Variants in SEZ6L observed in about 807,000 individuals in gnomAD.
SEZ6L encodes seizure 6-like protein.
Under a neutral mutation model 106.2 loss-of-function variants are expected in SEZ6L, and 37 were observed. That is an observed-to-expected ratio of 0.35 (90% confidence interval 0.27 to 0.46). The LOEUF is 0.46. Among genes scored for constraint, SEZ6L ranks in the 20% least tolerant of loss-of-function variants. SEZ6L has a pLI of 1.00. For synonymous variants in SEZ6L, 541 were observed against 570.4 expected (o/e 0.95, Z 0.73); for missense variants, 1,172 against 1,332.8 (o/e 0.88, Z 1.88).
intron 1 of SEZ6L, among the ~76,000 whole-genome samples, chr22:26,237,382 G>C (rs1345360075): frequency 3.3e-5 from 5 of 152,154 alleles, no homozygotes; most frequent in African/African-American, 1.2e-4. Flanking sequence ...CCAATAAAAT[G>C]TTTGCATGTA....
intron 12 of SEZ6L, among the ~76,000 whole-genome samples, chr22:26,358,614 C>T (rs144736903): frequency 1.3e-4 from 20 of 152,228 alleles, no homozygotes; most frequent in African/African-American, 2.6e-4. Context: ...AAAACAGAAA[C>T]GAGAGTGGGT....
chr22:26,243,568 G>A (rs2145775853), intron 1 of SEZ6L, among the ~76,000 whole-genome samples: 1 of 152,314 alleles, frequency 6.6e-6, no homozygotes, highest in Non-Finnish European at 1.5e-5. Flanking sequence ...GGTGGAGATG[G>A]AGCAGAACAA....
In SEZ6L at chr22:26,342,567, G is replaced by A. The variant is rs149745771; in HGVS notation, c.2212+1935G>A. 5.6e-3 allele frequency among the ~76,000 whole-genome samples: 852 copies of A among 152,036 alleles called. 1 individual carries two copies. Among genetic ancestry groups the A allele is most frequent in the Non-Finnish European group, 8.0e-3 (543 of 67,962 alleles). ...AAACATTAGCTGGGTGTGGTGGCAGGCACCTGTAGTCCCAGCTACTCGGGA... is the reference window on the plus strand; with the variant it reads ...AAACATTAGCTGGGTGTGGTGGCAGACACCTGTAGTCCCAGCTACTCGGGA... On this transcript the variant is annotated intron_variant, in intron 10 of 16. Coordinates refer to ENST00000248933, the MANE Select transcript of SEZ6L (RefSeq NM_021115.5).
At chr22:26,238,964 T>A (rs1198726670) in intron 1 of SEZ6L, among the ~76,000 whole-genome samples, 2 of 152,246 alleles carry the variant, frequency 1.3e-5, no homozygotes, top group Non-Finnish European at 2.9e-5. Flanking sequence ...GGCTCAACCC[T>A]GTAATCTCAA....
intron 1 of SEZ6L, among the ~76,000 whole-genome samples, chr22:26,290,619 T>A (rs2081079941): frequency 6.6e-6 from 1 of 152,172 alleles, no homozygotes; most frequent in African/African-American, 2.4e-5. Context: ...GGGACCAAGG[T>A]GGGAGGATCA....
chr22:26,375,496 G>A (rs543279495), intron 14 of SEZ6L, 79 bp from the exon 15 acceptor site: 18 of 1,127,940 alleles, frequency 1.6e-5, no homozygotes, highest in South Asian at 1.5e-4. Flanking sequence ...TCTCCAAAGG[G>A]GTGGAGAACT....
At chr22:26,330,524 C>T (rs2082447620) in intron 9 of SEZ6L, among the ~76,000 whole-genome samples, 2 of 152,158 alleles carry the variant, frequency 1.3e-5, no homozygotes, top group South Asian at 2.1e-4. Context: ...GGTAGAGAGA[C>T]TAGCATGAGC....
chr22:26,361,515 A>AT (rs2146047082), intron 12 of SEZ6L, among the ~76,000 whole-genome samples: 1 of 136,946 alleles, frequency 7.3e-6, no homozygotes, highest in Non-Finnish European at 1.5e-5. Flanking sequence ...TCAAAAAAAA[A>AT]AAAAAATATA....
chr22:26,319,345 C>T (rs1159907356), intron 9 of SEZ6L, among the ~76,000 whole-genome samples: 2 of 152,178 alleles, frequency 1.3e-5, no homozygotes, highest in East Asian at 3.9e-4. Flanking sequence ...CTCAGTGATC[C>T]TGTTACAACC....
chr22:26,267,689 G>A (rs945725948), intron 1 of SEZ6L, among the ~76,000 whole-genome samples: 10 of 152,174 alleles, frequency 6.6e-5, no homozygotes, highest in African/African-American at 2.2e-4. Context: ...AAGGCACTTC[G>A]AACTTAATTT....
intron 16 of SEZ6L, among the ~76,000 whole-genome samples, chr22:26,379,046 G>A (rs529549002): frequency 8.0e-4 from 122 of 152,270 alleles, no homozygotes; most frequent in African/African-American, 2.7e-3. Context: ...GCAGCAACTG[G>A]GCTGCAGTCT....
chr22:26,299,544 A>G (rs528813575), intron 5 of SEZ6L, among the ~76,000 whole-genome samples: 2 of 152,270 alleles, frequency 1.3e-5, no homozygotes, highest in East Asian at 1.9e-4. Flanking sequence ...TATTGTGGAT[A>G]TTTTATGTAA....
chr22:26,272,991 T>A (rs547632537), intron 1 of SEZ6L, among the ~76,000 whole-genome samples: 1 of 152,178 alleles, frequency 6.6e-6, no homozygotes, highest in Non-Finnish European at 1.5e-5. Context: ...AATGAGACAA[T>A]GCATGTAAAA....
intron 9 of SEZ6L, among the ~76,000 whole-genome samples, chr22:26,333,964 T>C (rs1322576489): frequency 6.8e-6 from 1 of 147,342 alleles, no homozygotes; most frequent in Non-Finnish European, 1.5e-5. Flanking sequence ...GCAGTCTGGT[T>C]GGAGGTAAAA....
rs114006037 is a variant in SEZ6L at position 26,215,959 on chromosome 22, A to T, written c.94+46196A>T. Among the ~76,000 whole-genome samples the T allele has an allele frequency of 1.4e-3, 214 of 152,340 alleles. 1 individual carries two copies. The highest frequency in any genetic ancestry group is 4.9e-3 in the African/African-American group (202 of 41,594). ...ATCATCCCAGCTTCTCGCTGACAGA[A>T]GCAGAGCAGAGGTCCCGGATGCTCC... is the stretch of plus-strand genomic sequence containing the variant. On this transcript the variant is annotated intron_variant, in intron 1 of 16. Transcript: ENST00000248933.
At chr22:26,217,405 C>T (rs2078329474) in intron 1 of SEZ6L, among the ~76,000 whole-genome samples, 1 of 152,224 alleles carries the variant, frequency 6.6e-6, no homozygotes, top group Admixed American at 6.5e-5. Context: ...CTTCTGCCAA[C>T]ACAGGGCTTT....
At chr22:26,242,241 A>G (rs577780963) in intron 1 of SEZ6L, among the ~76,000 whole-genome samples, 1 of 152,296 alleles carries the variant, frequency 6.6e-6, no homozygotes, top group African/African-American at 2.4e-5. Flanking sequence ...GCACTCAATA[A>G]ATGCTTCCTA....
chr22:26,230,330 A>C (rs193202112), intron 1 of SEZ6L, among the ~76,000 whole-genome samples: 3 of 151,690 alleles, frequency 2.0e-5, no homozygotes, highest in Admixed American at 1.3e-4. Flanking sequence ...AAAAAAAAAA[A>C]CAAGAAGAAG....
In SEZ6L at chr22:26,382,575, TTCTG is replaced by T. The variant is rs1161830931; in HGVS notation, c.*2284_*2287del. On this transcript the variant is annotated 3_prime_UTR_variant, in exon 17 of 17. Coordinates refer to ENST00000248933, the MANE Select transcript of SEZ6L (RefSeq NM_021115.5). Reference sequence around the variant, plus strand: ...TTTTTTCAGAAGACCAGTGTCTCAGTTCTGTCTTAGTAGTACCACACCCGTAACC... The same window carrying T: ...TTTTTTCAGAAGACCAGTGTCTCAGTTCTTAGTAGTACCACACCCGTAACC... The T allele has an allele frequency of 6.5e-6, 1 of 153,072 alleles. No individual in the cohort carries two copies. Among genetic ancestry groups the T allele is most frequent in the East Asian group, 1.9e-4 (1 of 5,200 alleles). 9.5% of individuals were successfully genotyped at this position (153,072 alleles called of 1,614,324 possible).
Sources: gnomAD v4.1 joint callset for allele counts (sites outside exome capture counted in the v4.1 genomes callset) on GRCh38, gnomAD v4.1.1 for gene constraint, MANE v1.5 for transcripts, NCBI Gene and HGNC (gene_info 2026-07-23, HGNC 2026-07-21) for gene names.